Variants in WDR7 observed in about 807,000 individuals in gnomAD.
WDR7 encodes the protein WD repeat-containing protein 7.
In WDR7, 46 loss-of-function variants were observed where a neutral mutation model predicts 169.4. The ratio of observed to expected loss-of-function variants is 0.27; its 90% CI spans 0.21 to 0.35. WDR7 has a LOEUF of 0.35. Among genes scored for constraint, WDR7 ranks in the 10% least tolerant of loss-of-function variants. The pLI is 1.00. For missense variants in WDR7, 1,534 were observed against 1,859.3 expected (o/e 0.83, Z 3.22); for synonymous variants, 612 against 666.8 (o/e 0.92, Z 1.27).
intron 19 of WDR7, among the ~76,000 whole-genome samples, chr18:56,797,486 ATAAATGGTATATTTATATACC>A (rs1233014905): frequency 1.1e-4 from 16 of 152,106 alleles, no homozygotes; most frequent in African/African-American, 3.1e-4. Flanking sequence ...TTTTTAAAAT[ATAAATGGTATATTTATATACC>A]ATTTTATATT....
In WDR7 at chr18:56,872,849, G is replaced by C. The variant is rs543788914; in HGVS notation, c.3305-7095G>C. The C allele has an allele frequency of 2.1e-4, 32 of 152,008 alleles. 1 individual carries two copies. The highest frequency in any genetic ancestry group is 1.2e-4 in the Non-Finnish European group (8 of 67,992). The allele number at this position is 152,008 out of a possible 1,614,324, so 9.4% of individuals were successfully genotyped here. A position where few individuals can be genotyped will look rare whatever the true frequency, so the allele number is the denominator to read the frequency against. ...ATGAGACAAATGAAACTGTAGAAAGGTTTACTTTTACAGAATTATTTTATT... is the reference window on the plus strand; with the variant it reads ...ATGAGACAAATGAAACTGTAGAAAGCTTTACTTTTACAGAATTATTTTATT... On this transcript the variant is annotated intron_variant, in intron 20 of 27. Coordinates refer to ENST00000254442, the MANE Select transcript of WDR7 (RefSeq NM_015285.3).
chr18:56,683,657 G>C (rs1057101032), intron 5 of WDR7, among the ~76,000 whole-genome samples: 7 of 152,292 alleles, frequency 4.6e-5, no homozygotes, highest in Admixed American at 3.3e-4. Context: ...GGTAGGTACT[G>C]TTAATATTCA....
intron 27 of WDR7, among the ~76,000 whole-genome samples, chr18:57,026,006 A>G (rs2048362454): frequency 6.6e-6 from 1 of 152,244 alleles, no homozygotes; most frequent in African/African-American, 2.4e-5. Flanking sequence ...AGTACAAAGA[A>G]AAAGTGTTAT....
At chr18:56,701,775 C>T (rs913018051) in intron 12 of WDR7, among the ~76,000 whole-genome samples, 2 of 152,092 alleles carry the variant, frequency 1.3e-5, no homozygotes, top group Non-Finnish European at 2.9e-5. Context: ...GTATAAAATG[C>T]AAAAGGTATA....
At chr18:56,699,730 G>A (rs1346623217) in intron 12 of WDR7, 5 of 723,536 alleles carry the variant, frequency 6.9e-6, no homozygotes, top group East Asian at 1.3e-4. Flanking sequence ...TTCCTAAAAC[G>A]TACAAAGTTG....
At chr18:56,725,687 T>G (rs1290067093) in intron 13 of WDR7, among the ~76,000 whole-genome samples, 2 of 152,234 alleles carry the variant, frequency 1.3e-5, no homozygotes, top group Non-Finnish European at 2.9e-5. Context: ...TTTTGGCTTT[T>G]GTTGCCATTG....
intron 19 of WDR7, among the ~76,000 whole-genome samples, chr18:56,801,795 T>C (rs1199844473): frequency 6.6e-6 from 1 of 152,234 alleles, no homozygotes; most frequent in Admixed American, 6.5e-5. Flanking sequence ...TTCCTTTTTA[T>C]TGCTAAATAG....
chr18:56,655,052 TTC>T (rs1293495147), intron 1 of WDR7, among the ~76,000 whole-genome samples: 1 of 152,240 alleles, frequency 6.6e-6, no homozygotes, highest in Non-Finnish European at 1.5e-5. Context: ...AGTATGTTTT[TTC>T]CTCCTATATA....
At chr18:56,901,131 G>T (rs2046395478) in intron 21 of WDR7, among the ~76,000 whole-genome samples, 1 of 152,140 alleles carries the variant, frequency 6.6e-6, no homozygotes, top group South Asian at 2.1e-4. Context: ...TAGGCATGAT[G>T]GCTCATGCCT....
At chr18:56,719,054 G>A (rs1429080665) in intron 13 of WDR7, among the ~76,000 whole-genome samples, 2 of 152,164 alleles carry the variant, frequency 1.3e-5, no homozygotes, top group Non-Finnish European at 2.9e-5. Flanking sequence ...TTGACAAGAG[G>A]AAGCATTCTT....
At chr18:56,735,847 G>A (rs1175822739) in intron 14 of WDR7, among the ~76,000 whole-genome samples, 1 of 152,196 alleles carries the variant, frequency 6.6e-6, no homozygotes, top group Non-Finnish European at 1.5e-5. Flanking sequence ...GAAGCAGGTG[G>A]TGAGTTGGAT....
In WDR7 at chr18:56,900,080, G is replaced by GTATATA. The variant is rs772841290; in HGVS notation, c.3526+19916_3526+19917insATATAT. On this transcript the variant is annotated intron_variant, in intron 21 of 27. Transcript: ENST00000254442. Reference sequence around the variant, plus strand: ...CATATATATATGTGTGTGTGTGTGTGTGTATATATATATATATATATATAT... The same window carrying GTATATA: ...CATATATATATGTGTGTGTGTGTGTGTATATATGTATATATATATATATATATATAT... 2.8e-3 allele frequency among the ~76,000 whole-genome samples: 86 copies of GTATATA among 30,240 alleles called. 1 individual carries two copies. Among genetic ancestry groups the GTATATA allele is most frequent in the African/African-American group, 5.2e-3 (85 of 16,386 alleles). 19.8% of individuals were successfully genotyped at this position (30,240 alleles called of 152,430 possible).
intron 1 of WDR7, among the ~76,000 whole-genome samples, chr18:56,658,580 A>G (rs1442698365): frequency 6.6e-6 from 1 of 152,204 alleles, no homozygotes; most frequent in Admixed American, 6.5e-5. Flanking sequence ...CTGTTTTCAC[A>G]TTCAAGTTTA....
chr18:56,744,595 T>C (rs950007812), intron 14 of WDR7, among the ~76,000 whole-genome samples: 10 of 152,056 alleles, frequency 6.6e-5, no homozygotes, highest in Non-Finnish European at 1.3e-4. Context: ...AAGGGGCTGA[T>C]GGGGATGAAA....
intron 12 of WDR7, among the ~76,000 whole-genome samples, chr18:56,711,111 T>G (rs917397218): frequency 2.6e-5 from 4 of 152,008 alleles, no homozygotes; most frequent in Non-Finnish European, 4.4e-5. Context: ...AACTAAAATA[T>G]TAAGCTTATG....
In WDR7 at chr18:56,756,810, A is replaced by T. The variant is rs1472709691; in HGVS notation, c.2217A>T (p.Ala739=). The T allele has an allele frequency of 6.2e-7, 1 of 1,614,054 alleles. No homozygotes were observed. The highest frequency in any genetic ancestry group is 8.5e-7 in the Non-Finnish European group (1 of 1,180,028). The part of the protein sequence containing the change: ...KGGSFLTGKR[A]AVLFQQVKET... ...GCTCTTTTTTAACTGGAAAACGAGC[A>T]GCAGTTCTCTTCCAACAAGTGAAAG... The change falls in exon 15 of 28, where the codon GCA becomes GCT. Residue 739 remains alanine, a synonymous_variant. Coordinates refer to ENST00000254442, the MANE Select transcript of WDR7 (RefSeq NM_015285.3).
At position 57,027,106 on chromosome 18, in the gene WDR7, G is replaced by T. The variant is rs200098182; in HGVS notation, c.4372G>T (p.Gly1458Cys). The T allele has an allele frequency of 4.3e-6, 7 of 1,614,122 alleles. No homozygotes were observed. The highest frequency in any genetic ancestry group is 8.5e-7 in the Non-Finnish European group (1 of 1,180,020). Residue 1458 changes from glycine (G) to cysteine (C), a missense_variant, in exon 28 of 28, where the codon GGC (glycine) becomes TGC (cysteine). By Grantham distance (159) the Gly-to-Cys change is radical. Coordinates refer to ENST00000254442, the MANE Select transcript of WDR7 (RefSeq NM_015285.3). ...GCCCCCTGTGCAGCCCGCGTCCCCCGGCTCCCACAATGCCCTCAAGCTGGC... is the reference window on the plus strand; with the variant it reads ...GCCCCCTGTGCAGCCCGCGTCCCCCTGCTCCCACAATGCCCTCAAGCTGGC... ...QVPPVQPASPGSHNALKLARL... is the reference protein window; with the variant it reads ...QVPPVQPASPCSHNALKLARL...
chr18:56,724,516 CT>C (rs111436452), intron 13 of WDR7, among the ~76,000 whole-genome samples: 5,616 of 151,744 alleles, frequency 0.037, 302 homozygotes, highest in African/African-American at 0.12. Flanking sequence ...CTGGCCATGC[CT>C]TTGTAATTTT....
chr18:56,830,044 A>C lies in WDR7; in HGVS notation c.3304+13900A>C, dbSNP rs145012713. On this transcript the variant is annotated intron_variant, in intron 20 of 27. Transcript: ENST00000254442. ...GGATCCAAGCAGCTCTAAATTGGTTAGTGTACTGTCCACATATACCGGAAG... is the reference window on the plus strand; with the variant it reads ...GGATCCAAGCAGCTCTAAATTGGTTCGTGTACTGTCCACATATACCGGAAG... 8.2e-3 allele frequency among the ~76,000 whole-genome samples: 1,244 copies of C among 152,334 alleles called. 21 individuals are homozygous for C. Among genetic ancestry groups the C allele is most frequent in the African/African-American group, 0.026 (1,092 of 41,554 alleles).
Sources: allele counts gnomAD v4.1 joint callset (sites outside exome capture counted in the v4.1 genomes callset), GRCh38; gene constraint gnomAD v4.1.1; transcripts MANE v1.5; gene names NCBI Gene and HGNC (gene_info 2026-07-23, HGNC 2026-07-21).